The following NELL1 variants were observed in gnomAD, a reference collection of about 807,000 sequenced individuals.
NELL1 encodes the protein neural EGFL like 1.
NELL1 carries 76 observed loss-of-function variants against 107.4 expected under a neutral mutation model. The ratio of observed to expected loss-of-function variants is 0.71; its 90% CI spans 0.59 to 0.86. The LOEUF is 0.86. Among genes scored for constraint, NELL1 ranks in the 40% least tolerant of loss-of-function variants. The pLI is 0.00. For synonymous variants in NELL1, 353 were observed against 341.2 expected (o/e 1.03, Z -0.38); for missense variants, 1,024 against 1,005.5 (o/e 1.02, Z -0.25).
chr11:20,781,552 G>A (rs1223615446), intron 2 of NELL1, among the ~76,000 whole-genome samples: 5 of 152,136 alleles, frequency 3.3e-5, no homozygotes, highest in African/African-American at 4.8e-5. Flanking sequence ...GATCGCTTAT[G>A]GCTGTCTTTT....
chr11:20,734,947 T>C (rs1855727333), intron 2 of NELL1, among the ~76,000 whole-genome samples: 1 of 151,944 alleles, frequency 6.6e-6, no homozygotes, highest in African/African-American at 2.4e-5. Context: ...GGGGGTGGGG[T>C]CTAGATAAGT....
At chr11:20,965,789 A>G (rs1851376414) in intron 12 of NELL1, among the ~76,000 whole-genome samples, 1 of 152,150 alleles carries the variant, frequency 6.6e-6, no homozygotes, top group Non-Finnish European at 1.5e-5. Flanking sequence ...GGAAAGTGGT[A>G]GAGAGATCAG....
intron 13 of NELL1, among the ~76,000 whole-genome samples, chr11:21,119,252 G>T (rs1049951572): frequency 6.6e-6 from 1 of 151,876 alleles, no homozygotes; most frequent in African/African-American, 2.4e-5. Flanking sequence ...TCCCAATTCT[G>T]TGCTGACAGC....
intron 2 of NELL1, among the ~76,000 whole-genome samples, chr11:20,710,655 C>T (rs558600637): frequency 1.3e-5 from 2 of 151,944 alleles, no homozygotes; most frequent in South Asian, 4.2e-4. Context: ...GCTGTGAATG[C>T]GTCTGGTCCT....
At position 20,951,872 on chromosome 11, in the gene NELL1, T is replaced by A. The variant is rs137881704; in HGVS notation, c.1171+4437T>A. 7.7e-3 allele frequency among the ~76,000 whole-genome samples: 1,176 copies of A among 152,192 alleles called. 10 individuals carry two copies. The highest frequency in any genetic ancestry group is 0.013 in the Non-Finnish European group (877 of 68,000). ...CATGAAATTCATTTACCCTCCTCTT[T>A]ACCTTGAGGTAATGGATGTAGCAGG... On this transcript the variant is annotated intron_variant, in intron 11 of 19. Transcript: ENST00000357134.
chr11:20,749,357 T>C lies in NELL1; in HGVS notation c.185-34323T>C, dbSNP rs578225781. Among the ~76,000 whole-genome samples, 77 of 152,250 alleles carry C rather than the reference T, an allele frequency of 5.1e-4. 1 individual carries two copies. The South Asian group carries it at 0.016, about 31-fold the overall frequency. On this transcript the variant is annotated intron_variant, in intron 2 of 19. Transcript: ENST00000357134. The stretch of plus-strand genomic sequence containing the variant: ...TCTCACGTCTGTAATCCCAGCACTT[T>C]GGGAGGTCAAGGTCGGTGGATGCTT...
intron 3 of NELL1, among the ~76,000 whole-genome samples, chr11:20,821,620 A>G (rs542901358): frequency 4.6e-5 from 7 of 152,268 alleles, no homozygotes; most frequent in Admixed American, 4.6e-4. Flanking sequence ...AAAACTCAGG[A>G]TGAAGTTAGA....
intron 12 of NELL1, among the ~76,000 whole-genome samples, chr11:21,090,726 A>G (rs951002069): frequency 3.9e-5 from 6 of 152,112 alleles, no homozygotes; most frequent in African/African-American, 1.4e-4. Context: ...CTGATGGGGG[A>G]TTCTTTCTGT....
intron 15 of NELL1, among the ~76,000 whole-genome samples, chr11:21,377,707 G>GTT: frequency 6.6e-6 from 1 of 152,044 alleles, no homozygotes; most frequent in Admixed American, 6.6e-5. Context: ...TATAAATTCA[G>GTT]TTTTGGAACT....
intron 15 of NELL1, among the ~76,000 whole-genome samples, chr11:21,421,412 C>T (rs1852666316): frequency 6.6e-6 from 1 of 152,260 alleles, no homozygotes; most frequent in African/African-American, 2.4e-5. Context: ...CTCTGTGGCA[C>T]ATGCATGTGT....
At chr11:20,918,560 G>C (rs1850308710) in intron 6 of NELL1, among the ~76,000 whole-genome samples, 1 of 151,970 alleles carries the variant, frequency 6.6e-6, no homozygotes, top group Non-Finnish European at 1.5e-5. Context: ...AATCATAGTG[G>C]AAGGCAAAAC....
chr11:21,325,826 G>C (rs1292011532), intron 14 of NELL1, among the ~76,000 whole-genome samples: 1 of 151,866 alleles, frequency 6.6e-6, no homozygotes, highest in African/African-American at 2.4e-5. Context: ...CAACTGATCT[G>C]ATTTCTTTCA....
At chr11:21,551,804 C>T (rs1431953978) in intron 16 of NELL1, among the ~76,000 whole-genome samples, 2 of 151,444 alleles carry the variant, frequency 1.3e-5, no homozygotes, top group African/African-American at 4.8e-5. Flanking sequence ...CCCAAAGGAC[C>T]ATAAATCATG....
intron 2 of NELL1, among the ~76,000 whole-genome samples, chr11:20,756,364 A>G (rs1229293460): frequency 6.6e-6 from 1 of 151,176 alleles, no homozygotes; most frequent in African/African-American, 2.4e-5. Flanking sequence ...TTTGAGATGG[A>G]GTCTCACTCT....
At chr11:21,124,627 A>G (rs1226200556) in intron 13 of NELL1, among the ~76,000 whole-genome samples, 1 of 148,326 alleles carries the variant, frequency 6.7e-6, no homozygotes, top group Non-Finnish European at 1.5e-5. Context: ...TTTGAGACAG[A>G]TTTCGCTCTT....
intron 14 of NELL1, among the ~76,000 whole-genome samples, chr11:21,279,479 T>C (rs992194288): frequency 6.6e-6 from 1 of 152,066 alleles, no homozygotes; most frequent in African/African-American, 2.4e-5. Flanking sequence ...CCTCACTAGG[T>C]AGCTAATAAA....
intron 3 of NELL1, among the ~76,000 whole-genome samples, chr11:20,799,345 G>T: frequency 6.6e-6 from 1 of 152,280 alleles, no homozygotes; most frequent in South Asian, 2.1e-4. Flanking sequence ...GACAAAGTGT[G>T]ATATTTATAC....
chr11:21,258,646 C>A (rs1858829863), intron 14 of NELL1, among the ~76,000 whole-genome samples: 1 of 151,816 alleles, frequency 6.6e-6, no homozygotes, highest in Middle Eastern at 3.2e-3. Context: ...GGGCAATCTG[C>A]TTTATTCAGT....
intron 14 of NELL1, among the ~76,000 whole-genome samples, chr11:21,352,955 T>G (rs1262237020): frequency 6.6e-6 from 1 of 152,204 alleles, no homozygotes; most frequent in African/African-American, 2.4e-5. Context: ...CATAATACAC[T>G]AATGAGATTC....
Sources: allele counts gnomAD v4.1 joint callset (sites outside exome capture counted in the v4.1 genomes callset), GRCh38; gene constraint gnomAD v4.1.1; transcripts MANE v1.5; gene names NCBI Gene and HGNC (gene_info 2026-07-23, HGNC 2026-07-21).